The following GAREM2 variants were observed in gnomAD, a reference collection of about 807,000 sequenced individuals.
GAREM2 encodes GRB2 associated regulator of MAPK1 subtype 2.
Under a neutral mutation model 55.6 loss-of-function variants are expected in GAREM2, and 30 were observed. The observed-to-expected ratio is 0.54, with a 90% CI of 0.40 to 0.73. The LOEUF is 0.73. Among genes scored for constraint, GAREM2 ranks in the 30% least tolerant of loss-of-function variants. The pLI, the probability that GAREM2 is intolerant of heterozygous loss-of-function variation, is 0.00. For missense variants in GAREM2, 1,075 were observed against 1,257.7 expected, an observed-to-expected ratio of 0.85 and a Z score of 2.20; for synonymous variants, 550 against 569.1, an observed-to-expected ratio of 0.97 and a Z score of 0.48.
chr2:26,186,668 CT>C (rs751702921), intron 5 of GAREM2, among the ~76,000 whole-genome samples: 9 of 152,340 alleles, frequency 5.9e-5, no homozygotes, highest in Non-Finnish European at 7.3e-5. Flanking sequence ...GAGCTCCTTG[CT>C]GTTTTGAAAT....
downstream of GAREM2, among the ~76,000 whole-genome samples, chr2:26,192,908 C>T (rs564791036): frequency 2.8e-4 from 43 of 152,140 alleles, no homozygotes; most frequent in Non-Finnish European, 5.1e-4. Context: ...TCTTGTGACC[C>T]GGAGCTTGGG....
chr2:26,173,627 G>A (rs1024935366), intron 1 of GAREM2, among the ~76,000 whole-genome samples: 1 of 151,078 alleles, frequency 6.6e-6, no homozygotes, highest in Non-Finnish European at 1.5e-5. Context: ...CCGCCCCGTC[G>A]GTTGCCCCCC....
chr2:26,193,652 C>T, downstream of GAREM2: 2 of 1,614,146 alleles, frequency 1.2e-6, no homozygotes, highest in Non-Finnish European at 8.5e-7. Context: ...AAGACTTTGC[C>T]CAGATCTTCC....
rs1176755737 is a variant in GAREM2 at position 26,184,725 on chromosome 2, A to G, written c.877A>G (p.Ser293Gly). 2.3e-5 allele frequency: 35 copies of G among 1,529,186 alleles called. No individual in the cohort carries two copies. Among genetic ancestry groups the G allele is most frequent in the Non-Finnish European group, 3.1e-5 (35 of 1,140,986 alleles). 94.7% of individuals were successfully genotyped at this position (1,529,186 alleles called of 1,614,324 possible). The change falls in exon 4 of 6, where the codon AGC becomes GGC. Residue 293 changes from serine to glycine, a missense_variant. This residue lies in a region of GAREM2 where 170 missense variants were observed against 220.7 expected (regional missense o/e 0.77). Transcript: ENST00000401533. Reference protein sequence around the residue: ...VREGHCYKLVSIISKTVVLGL... With the variant: ...VREGHCYKLVGIISKTVVLGL... ...GGAGGGTCATTGCTACAAGCTGGTT[A>G]GCATCATCTCCAAGACGGTGGTGCT...
At chr2:26,192,554 A>G, downstream of GAREM2, 1 of 707,720 alleles carries the variant, frequency 1.4e-6, no homozygotes, top group South Asian at 1.4e-5. Flanking sequence ...TGGGAGGCCG[A>G]GGCGGAGGAT....
At chr2:26,194,712 G>T in the GAREM2 span, 1 of 949,522 alleles carries the variant, frequency 1.1e-6, no homozygotes, top group South Asian at 1.3e-5. Context: ...CCTTTCCCAG[G>T]GTCACTTCAA....
chr2:26,185,348 C>A, intron 4 of GAREM2, 72 bp downstream of exon 4: 2 of 1,417,556 alleles, frequency 1.4e-6, no homozygotes, highest in South Asian at 2.9e-5. Flanking sequence ...GGGCCCCGGC[C>A]CCGGAGTATG....
chr2:26,185,024 C>CGCCCCCGGCCCGCTAGCGCCG lies in GAREM2; in HGVS notation c.1179_1199dup (p.Gly395_Pro401dup), dbSNP rs1669191793. The stretch of plus-strand genomic sequence containing the variant: ...CGCCGCGCGCCCCCGGGCTCGCCCG[C>CGCCCCCGGCCCGCTAGCGCCG]GCCCCCGGCCCGCTAGCGCCGGCTC... On this transcript the variant is annotated inframe_insertion, in exon 4 of 6. Coordinates refer to ENST00000401533, the MANE Select transcript of GAREM2 (RefSeq NM_001168241.2). 1.8e-6 allele frequency: 2 copies of CGCCCCCGGCCCGCTAGCGCCG among 1,121,166 alleles called. No individual in the cohort carries two copies. The highest frequency in any genetic ancestry group is 5.0e-5 in the Admixed American group (1 of 19,890). The allele number at this position is 1,121,166 out of a possible 1,614,324, so 69.5% of individuals were successfully genotyped here.
Position 26,182,449 on chromosome 2 carries a change from A to T in GAREM2, c.254-518A>T, listed in dbSNP as rs532387700. ...CCCTGGTTGGCCCAGTGCCACCTCC[A>T]TGCGGATCAGCAGCCCAGGGCGATG... On this transcript the variant is annotated intron_variant, in intron 2 of 5. Coordinates refer to ENST00000401533, the MANE Select transcript of GAREM2 (RefSeq NM_001168241.2). 8 of 1,550,486 alleles carry T rather than the reference A, an allele frequency of 5.2e-6. No individual in the cohort carries two copies. The South Asian group carries it at 8.3e-5, about 16-fold the overall frequency.
Position 26,184,815 on chromosome 2 carries a change from C to A in GAREM2, c.967C>A (p.Arg323Ser), listed in dbSNP as rs1669176936. 2.0e-6 allele frequency: 3 copies of A among 1,489,606 alleles called. No individual in the cohort carries two copies. The highest frequency in any genetic ancestry group is 2.7e-6 in the Non-Finnish European group (3 of 1,127,742). The allele number at this position is 1,489,606 out of a possible 1,614,324, so 92.3% of individuals were successfully genotyped here. Residue 323 changes from arginine to serine, a missense_variant, in exon 4 of 6, where the codon CGC becomes AGC. Arg to Ser is a moderately radical substitution (Grantham distance 110). Transcript: ENST00000401533. The stretch of plus-strand genomic sequence containing the variant: ...CTTCCTGCTGCTCACGGACACGCCG[C>A]GCTTCGCGCTGCCGCAGGGCCTGCT... ...LHFLLLTDTP[R>S]FALPQGLLAG...
At chr2:26,184,205 G>C (rs1239931418) in intron 3 of GAREM2, 28 bp from the exon 4 acceptor site, 1 of 1,547,054 alleles carries the variant, frequency 6.5e-7, no homozygotes, top group Non-Finnish European at 8.7e-7. Context: ...ACCTGGCTAA[G>C]GCCCTGCCCT....
intron 1 of GAREM2, among the ~76,000 whole-genome samples, chr2:26,173,640 TC>T (rs1308720463): frequency 1.3e-5 from 2 of 151,116 alleles, no homozygotes; most frequent in Non-Finnish European, 3.0e-5. Context: ...TGCCCCCCTT[TC>T]CCCCGCTGCC....
chr2:26,187,299 C>T lies in GAREM2; in HGVS notation c.1667C>T (p.Thr556Ile), dbSNP rs1669301870. ...TACTCCCTCTATTGCTACCCATGCACCTGGGGAGACTGCAAGGTGGGCGAG... is the reference window on the plus strand; with the variant it reads ...TACTCCCTCTATTGCTACCCATGCATCTGGGGAGACTGCAAGGTGGGCGAG... ...DTYSLYCYPC[T>I]WGDCKVGESS... The change falls in exon 6 of 6, where the codon ACC (threonine) becomes ATC (isoleucine). Residue 556 changes from threonine to isoleucine, a missense_variant. This residue lies in a region of GAREM2 where 515 missense variants were observed against 501.5 expected (regional missense o/e 1.03). Coordinates refer to ENST00000401533, the MANE Select transcript of GAREM2 (RefSeq NM_001168241.2). The T allele has an allele frequency of 6.6e-7, 1 of 1,511,536 alleles. No individual in the cohort carries two copies. The highest frequency in any genetic ancestry group is 8.9e-7 in the Non-Finnish European group (1 of 1,127,110). 93.6% of individuals were successfully genotyped at this position (1,511,536 alleles called of 1,614,324 possible). A position where few individuals can be genotyped will look rare whatever the true frequency, so the allele number is the denominator to read the frequency against.
chr2:26,181,153 G>A (rs765817444), intron 2 of GAREM2: 80 of 982,686 alleles, frequency 8.1e-5, no homozygotes, highest in East Asian at 1.1e-4. Flanking sequence ...TTCTTTGCTC[G>A]AAACACTCCA....
chr2:26,193,191 C>G (rs1203197342), downstream of GAREM2, among the ~76,000 whole-genome samples: 2 of 151,824 alleles, frequency 1.3e-5, no homozygotes, highest in Non-Finnish European at 1.5e-5. Context: ...GCTTGTCCAT[C>G]TGGCATAACT....
chr2:26,184,912 A>G lies in GAREM2; in HGVS notation c.1064A>G (p.Asp355Gly). ...TACTGCCGCGAGCGCTTCGACCCCG[A>G]CGAGTACTCCACGGCCGTGCGCGAG... is the stretch of plus-strand genomic sequence containing the variant. ...ASYCRERFDP[D>G]EYSTAVREAP... The change falls in exon 4 of 6, where the codon GAC becomes GGC. Residue 355 changes from aspartate to glycine, a missense_variant. Transcript: ENST00000401533. 2 of 1,443,362 alleles carry G rather than the reference A, an allele frequency of 1.4e-6. No homozygotes were observed. Among genetic ancestry groups the G allele is most frequent in the South Asian group, 1.4e-5 (1 of 73,334 alleles). The allele number at this position is 1,443,362 out of a possible 1,614,324, so 89.4% of individuals were successfully genotyped here.
At position 26,179,235 on chromosome 2, in the gene GAREM2, C is replaced by A. The variant is rs972200669; in HGVS notation, c.253+2751C>A. ...CCCTGCGGGAGGGGCCAGGCGTCTT[C>A]CCTGAGCATGGTGCCACTTCCCCAG... On this transcript the variant is annotated intron_variant, in intron 2 of 5. Transcript: ENST00000401533. The surrounding 1 kb of genome is among the most constrained non-coding windows in gnomAD (Gnocchi z 4.7). 1.3e-5 allele frequency among the ~76,000 whole-genome samples: 2 copies of A among 152,008 alleles called. No homozygotes were observed. Among genetic ancestry groups the A allele is most frequent in the African/African-American group, 4.8e-5 (2 of 41,404 alleles).
chr2:26,173,627 G>C (rs1024935366), intron 1 of GAREM2, among the ~76,000 whole-genome samples: 3 of 151,078 alleles, frequency 2.0e-5, no homozygotes, highest in African/African-American at 7.3e-5. Context: ...CCGCCCCGTC[G>C]GTTGCCCCCC....
In GAREM2 at chr2:26,186,357, G is replaced by T; in HGVS notation, c.1597G>T (p.Gly533Trp). ...CTACTACTCCTCTGGCCTCCAGGAT[G>T]GGTGAGTCCCTGCCTTCCCTTGGTC... ...LSYYSSGLQD[G>W]AGSRSGSGSP... Residue 533 changes from glycine to tryptophan, a missense_variant and splice_region_variant, in exon 5 of 6, where the codon GGG becomes TGG. By Grantham distance (184) the Gly-to-Trp change is radical. Coordinates refer to ENST00000401533, the MANE Select transcript of GAREM2 (RefSeq NM_001168241.2). The T allele has an allele frequency of 1.3e-6, 2 of 1,551,794 alleles. No individual in the cohort carries two copies. The highest frequency in any genetic ancestry group is 1.7e-6 in the Non-Finnish European group (2 of 1,146,948).
Sources: allele counts gnomAD v4.1 joint callset (sites outside exome capture counted in the v4.1 genomes callset), GRCh38; gene constraint gnomAD v4.1.1; regional missense constraint gnomAD v4.1.1; non-coding constraint Gnocchi (gnomAD v3.1); transcripts MANE v1.5; gene names NCBI Gene and HGNC (gene_info 2026-07-23, HGNC 2026-07-21).